The following GABRB1 variants were observed in gnomAD, a reference collection of about 807,000 sequenced individuals.
GABRB1 encodes the protein gamma-aminobutyric acid receptor subunit beta-1.
Under a neutral mutation model 51.6 loss-of-function variants are expected in GABRB1, and 17 were observed. The observed-to-expected ratio is 0.33, with a 90% CI of 0.23 to 0.49. The LOEUF (loss-of-function observed/expected upper bound fraction) is 0.49, where lower values mean the gene tolerates loss of function less well. GABRB1 is among the 20% of genes least tolerant of loss of function. The probability of loss-of-function intolerance (pLI) is 0.99; values close to 1 mark genes in which losing one functional copy is unlikely to be tolerated. For missense variants in GABRB1, 410 were observed against 600.6 expected (o/e 0.68, Z 3.32); for synonymous variants, 247 against 218.9 (o/e 1.13, Z -1.14).
chr4:47,283,363 T>C (rs1723369382), intron 4 of GABRB1, among the ~76,000 whole-genome samples: 2 of 18,092 alleles, frequency 1.1e-4, no homozygotes, highest in Non-Finnish European at 1.7e-4. Flanking sequence ...CCCCTTTTTT[T>C]TTTTTTTTTT....
At chr4:47,292,903 A>G (rs1386949640) in intron 4 of GABRB1, among the ~76,000 whole-genome samples, 1 of 152,334 alleles carries the variant, frequency 6.6e-6, no homozygotes, top group Middle Eastern at 3.4e-3. Flanking sequence ...TCAATTCATG[A>G]GGGTGGAGCA....
chr4:47,320,015 T>G, intron 4 of GABRB1, 112 bp from the exon 5 acceptor site: 1 of 750,702 alleles, frequency 1.3e-6, no homozygotes. Context: ...TCTCACAAAA[T>G]TTTGATGCCT....
intron 4 of GABRB1, among the ~76,000 whole-genome samples, chr4:47,193,361 A>G (rs114612445): frequency 2.0e-5 from 3 of 152,298 alleles, no homozygotes; most frequent in African/African-American, 7.2e-5. Context: ...AACTCAGGTG[A>G]ATCCGCCTGC....
intron 4 of GABRB1, among the ~76,000 whole-genome samples, chr4:47,165,995 A>G (rs1718167673): frequency 6.6e-6 from 1 of 151,912 alleles, no homozygotes; most frequent in East Asian, 1.9e-4. Context: ...AATCACTTCT[A>G]CCATCTAAAT....
intron 5 of GABRB1, among the ~76,000 whole-genome samples, chr4:47,328,651 G>A (rs1454569342): frequency 6.6e-6 from 1 of 152,000 alleles, no homozygotes; most frequent in Non-Finnish European, 1.5e-5. Flanking sequence ...ATCATTCTCA[G>A]CAAACTATCA....
At chr4:47,131,810 T>A (rs1051922421) in intron 3 of GABRB1, among the ~76,000 whole-genome samples, 1 of 152,172 alleles carries the variant, frequency 6.6e-6, no homozygotes, top group African/African-American at 2.4e-5. Flanking sequence ...TGATCAGAAA[T>A]GATTTAAGAA....
chr4:47,222,596 A>G (rs974349202), intron 4 of GABRB1, among the ~76,000 whole-genome samples: 1 of 152,134 alleles, frequency 6.6e-6, no homozygotes, highest in African/African-American at 2.4e-5. Flanking sequence ...CATGTGAGTG[A>G]AGCCATCTTA....
At chr4:47,057,095 ACT>A (rs996103846) in intron 3 of GABRB1, among the ~76,000 whole-genome samples, 5 of 152,118 alleles carry the variant, frequency 3.3e-5, no homozygotes, top group African/African-American at 1.2e-4. Context: ...ACAGAGCAAG[ACT>A]CTGTCTCAAA....
At chr4:47,227,575 G>C (rs1720989330) in intron 4 of GABRB1, among the ~76,000 whole-genome samples, 1 of 152,132 alleles carries the variant, frequency 6.6e-6, no homozygotes. Context: ...CACTAGAGCT[G>C]AGATGGCCCT....
At chr4:47,131,404 C>T (rs1014866639) in intron 3 of GABRB1, among the ~76,000 whole-genome samples, 25 of 152,112 alleles carry the variant, frequency 1.6e-4, no homozygotes, top group Admixed American at 1.4e-3. Flanking sequence ...ATGATCTGCC[C>T]GCCTCGGCCT....
chr4:47,283,382 TTTTTTTTTTTTTTTTTTTTTTG>T (rs1723371058), intron 4 of GABRB1, among the ~76,000 whole-genome samples: 1 of 91,438 alleles, frequency 1.1e-5, no homozygotes, highest in African/African-American at 4.8e-5. Context: ...TTTTTTTTTT[TTTTTTTTTTTTTTTTTTTTTTG>T]AGACAGAGTC....
chr4:47,103,898 A>G (rs1418960936), intron 3 of GABRB1, among the ~76,000 whole-genome samples: 1 of 151,892 alleles, frequency 6.6e-6, no homozygotes, highest in Non-Finnish European at 1.5e-5. Flanking sequence ...CTAACACTTG[A>G]TATCAGCACA....
In GABRB1 at chr4:47,426,198, A is replaced by C; in HGVS notation, c.*180A>C. ...GTTTACTTCAAAAAGACAAAACAAA[A>C]AAAAAATTATTTTTCCAGTCTACCG... On this transcript the variant is annotated 3_prime_UTR_variant, in exon 9 of 9. Transcript: ENST00000295454. The C allele has an allele frequency of 2.0e-6, 1 of 490,732 alleles. No individual in the cohort carries two copies. Among genetic ancestry groups the C allele is most frequent in the Non-Finnish European group, 3.5e-6 (1 of 285,000 alleles). 30.4% of individuals were successfully genotyped at this position (490,732 alleles called of 1,614,324 possible). A position where few individuals can be genotyped will look rare whatever the true frequency, so the allele number is the denominator to read the frequency against.
intron 5 of GABRB1, among the ~76,000 whole-genome samples, chr4:47,350,218 T>TATATATATATATATATATAG (rs750199965): frequency 1.8e-5 from 1 of 56,638 alleles, no homozygotes. Context: ...TATATATATA[T>TATATATATATATATATATAG]AGAGAGAGAG....
chr4:47,134,934 T>C (rs1716574458), intron 3 of GABRB1, among the ~76,000 whole-genome samples: 1 of 152,136 alleles, frequency 6.6e-6, no homozygotes, highest in Non-Finnish European at 1.5e-5. Flanking sequence ...CTGGGCAACA[T>C]AGTGAGACTT....
At chr4:47,051,585 T>C (rs1726351694) in intron 3 of GABRB1, among the ~76,000 whole-genome samples, 1 of 152,136 alleles carries the variant, frequency 6.6e-6, no homozygotes, top group African/African-American at 2.4e-5. Flanking sequence ...GTTGGTATAG[T>C]TTTTGGGAAT....
chr4:47,425,684 A>G lies in GABRB1; in HGVS notation c.1091A>G (p.His364Arg), dbSNP rs1560380725. ...LEMNKVQVDA[H>R]GNILLSTLEI... ...TCTTTTTGCCATCAGGTCGACGCCC[A>G]CGGTAACATTCTCCTCAGCACCCTG... is the stretch of plus-strand genomic sequence containing the variant. Residue 364 changes from histidine (H) to arginine (R), a missense_variant, in exon 9 of 9, where the codon CAC (histidine) becomes CGC (arginine). This residue lies in a region of GABRB1 where 181 missense variants were observed against 195.6 expected (regional missense o/e 0.93). Transcript: ENST00000295454. The G allele has an allele frequency of 5.0e-6, 8 of 1,598,350 alleles. No homozygotes were observed. The highest frequency in any genetic ancestry group is 6.8e-6 in the Non-Finnish European group (8 of 1,170,978).
At chr4:47,351,446 A>G (rs1413740299) in intron 5 of GABRB1, among the ~76,000 whole-genome samples, 1 of 152,080 alleles carries the variant, frequency 6.6e-6, no homozygotes, top group Non-Finnish European at 1.5e-5. Flanking sequence ...TTTAGGGTAC[A>G]TGTGCACGAT....
chr4:47,098,659 G>A (rs1013414615), intron 3 of GABRB1, among the ~76,000 whole-genome samples: 2 of 152,086 alleles, frequency 1.3e-5, no homozygotes, highest in Admixed American at 6.6e-5. Flanking sequence ...GGTGTGTAAA[G>A]AGTAAAAATT....
Sources: allele counts gnomAD v4.1 joint callset (sites outside exome capture counted in the v4.1 genomes callset), GRCh38; gene constraint gnomAD v4.1.1; regional missense constraint gnomAD v4.1.1; transcripts MANE v1.5; gene names NCBI Gene and HGNC (gene_info 2026-07-23, HGNC 2026-07-21).